Variants in OTOF observed in about 807,000 individuals in gnomAD.
OTOF encodes the protein fer-1-like family member 2.
Under a neutral mutation model 236.8 loss-of-function variants are expected in OTOF, and 218 were observed. That is an observed-to-expected ratio of 0.92 (90% CI 0.82 to 1.03). The LOEUF (loss-of-function observed/expected upper bound fraction) is 1.03, where lower values mean the gene tolerates loss of function less well. OTOF is among the 50% of genes least tolerant of loss of function. The pLI is 0.00. For missense variants in OTOF, 2,590 were observed against 2,694.4 expected (o/e 0.96, Z 0.86); for synonymous variants, 1,041 against 1,072.5 (o/e 0.97, Z 0.57).
chr2:26,555,929 C>T (rs1667575358), intron 1 of OTOF, among the ~76,000 whole-genome samples: 1 of 152,206 alleles, frequency 6.6e-6, no homozygotes, highest in Admixed American at 6.5e-5. Flanking sequence ...TTATCATGCC[C>T]ATTTTACAGA....
intron 1 of OTOF, among the ~76,000 whole-genome samples, chr2:26,553,675 G>A (rs1667516475): frequency 1.3e-5 from 2 of 152,090 alleles, no homozygotes; most frequent in Non-Finnish European, 2.9e-5. Context: ...AGACCCTTCG[G>A]TGGCTTCTTA....
At chr2:26,487,791 G>GCTA (rs1273559420) in intron 11 of OTOF, among the ~76,000 whole-genome samples, 2 of 152,212 alleles carry the variant, frequency 1.3e-5, no homozygotes, top group African/African-American at 4.8e-5. Context: ...GTAGTCCACG[G>GCTA]CTATGCATGC....
chr2:26,471,809 A>G (rs1165214593), intron 30 of OTOF, among the ~76,000 whole-genome samples: 1 of 152,148 alleles, frequency 6.6e-6, no homozygotes, highest in East Asian at 1.9e-4. Context: ...ATATATGCAC[A>G]TACACCACAT....
Position 26,460,946 on chromosome 2 carries a change from A to C in OTOF, c.5618T>G (p.Val1873Gly), listed in dbSNP as rs1572399706. The change falls in exon 44 of 47, where the codon GTG becomes GGG. Residue 1873 changes from valine (V) to glycine (G), a missense_variant. Coordinates refer to ENST00000272371, the MANE Select transcript of OTOF (RefSeq NM_194248.3). This position sits in a 1 kb window ranked among gnomAD's most constrained non-coding sequence, Gnocchi z 5.3. ...QCTMEMATGE[V>G]DVPLVSIFKQ... The stretch of plus-strand genomic sequence containing the variant: ...GAAGATGGACACGAGGGGCACGTCC[A>C]CCTCCCCGGTGGCCATCTCCATGGT... 1 of 1,613,606 alleles carries C rather than the reference A, an allele frequency of 6.2e-7. No individual in the cohort carries two copies. Among genetic ancestry groups the C allele is most frequent in the African/African-American group, 1.3e-5 (1 of 74,818 alleles).
chr2:26,527,035 C>T (rs1252396258), intron 3 of OTOF, among the ~76,000 whole-genome samples: 3 of 152,186 alleles, frequency 2.0e-5, no homozygotes, highest in South Asian at 2.1e-4. Flanking sequence ...CCAGCGTGTT[C>T]AAATCCTTCT....
At position 26,468,446 on chromosome 2, in the gene OTOF, A is replaced by G. The variant is rs143476507; in HGVS notation, c.4052T>C (p.Ile1351Thr). 6.8e-6 allele frequency: 11 copies of G among 1,614,008 alleles called. No homozygotes were observed. Among genetic ancestry groups the G allele is most frequent in the African/African-American group, 2.7e-5 (2 of 74,906 alleles). ...EQLRQQEPSG[I>T]DLEEKEEVDN... Reference sequence around the variant, plus strand: ...CACTTCCTCCTTCTCCTCCAAGTCAATTCCAGAGGGCTCTTGTTGTCGAAG... The same window carrying G: ...CACTTCCTCCTTCTCCTCCAAGTCAGTTCCAGAGGGCTCTTGTTGTCGAAG... The change falls in exon 33 of 47, where the codon ATT (isoleucine) becomes ACT (threonine). Residue 1351 changes from isoleucine (I) to threonine (T), a missense_variant. This residue lies in a region of OTOF where 1,211 missense variants were observed against 1,352.8 expected (regional missense o/e 0.90). Transcript: ENST00000272371.
rs1445408212 is a variant in OTOF at position 26,466,052 on chromosome 2, T to C, written c.4525A>G (p.Ile1509Val). 5 of 1,614,082 alleles carry C rather than the reference T, an allele frequency of 3.1e-6. No individual in the cohort carries two copies. The highest frequency in any genetic ancestry group is 4.2e-6 in the Non-Finnish European group (5 of 1,180,032). The change falls in exon 37 of 47, where the codon ATC (isoleucine) becomes GTC (valine). Residue 1509 changes from isoleucine (I) to valine (V), a missense_variant. Ile to Val is a conservative substitution (Grantham distance 29). This residue lies in a region of OTOF where 1,211 missense variants were observed against 1,352.8 expected (regional missense o/e 0.90). Transcript: ENST00000272371. Reference protein sequence around the residue: ...VRATDLHPADINGKADPYIAI... With the variant: ...VRATDLHPADVNGKADPYIAI... Reference sequence around the variant, plus strand: ...ATGTAGGGGTCAGCTTTGCCGTTGATGTCAGCAGGGTGCAGGTCCGTGGCC... The same window carrying C: ...ATGTAGGGGTCAGCTTTGCCGTTGACGTCAGCAGGGTGCAGGTCCGTGGCC...
rs1359325811 is a variant in OTOF, at chr2:26,477,299, G to A, written c.2407-11C>T. On this transcript the variant is annotated splice_polypyrimidine_tract_variant and intron_variant, in intron 20 of 46. Coordinates refer to ENST00000272371, the MANE Select transcript of OTOF (RefSeq NM_194248.3). The surrounding 1 kb of genome is among the most constrained non-coding windows in gnomAD (Gnocchi z 4.7). ...CTGCCCCATGTTTTCCTGCGAAGGA[G>A]GGGGTGTCAGTGAACCCAGCAACTG... 1 of 1,607,316 alleles carries A rather than the reference G, an allele frequency of 6.2e-7. No homozygotes were observed.
At chr2:26,546,187 G>A (rs1206065247) in intron 1 of OTOF, among the ~76,000 whole-genome samples, 4 of 152,204 alleles carry the variant, frequency 2.6e-5, no homozygotes, top group East Asian at 1.9e-4. Flanking sequence ...ATGGCCAGGC[G>A]AAGTGGCTCA....
At chr2:26,474,819 G>T in intron 25 of OTOF, 145 bp from the exon 26 acceptor site, 1 of 898,338 alleles carries the variant, frequency 1.1e-6, no homozygotes, top group Non-Finnish European at 1.8e-6. Flanking sequence ...AAGTCTCAGG[G>T]CCCACCAAAG....
At position 26,477,992 on chromosome 2, in the gene OTOF, C is replaced by T; in HGVS notation, c.2215-243G>A. The T allele has an allele frequency of 6.9e-7, 1 of 1,455,812 alleles. No individual in the cohort carries two copies. The allele number at this position is 1,455,812 out of a possible 1,614,324, so 90.2% of individuals were successfully genotyped here. On this transcript the variant is annotated intron_variant, in intron 18 of 46. Coordinates refer to ENST00000272371, the MANE Select transcript of OTOF (RefSeq NM_194248.3). The surrounding 1 kb of genome is among the most constrained non-coding windows in gnomAD (Gnocchi z 4.7). ...CCTGAAGGAAGAAGCCACCTCTGGG[C>T]TGTGAGTCTGTGGCTCTGGTGAGCT... is the stretch of plus-strand genomic sequence containing the variant.
chr2:26,460,043 C>T lies in OTOF; in HGVS notation c.5976G>A (p.Lys1992=), dbSNP rs1481036262. 6.4e-7 allele frequency: 1 copy of T among 1,571,294 alleles called. No homozygotes were observed. Among genetic ancestry groups the T allele is most frequent in the Non-Finnish European group, 8.6e-7 (1 of 1,158,294 alleles). The change falls in exon 46 of 47, where the codon AAG becomes AAA. Residue 1992 remains lysine, a synonymous_variant. Transcript: ENST00000272371. This position sits in a 1 kb window ranked among gnomAD's most constrained non-coding sequence, Gnocchi z 5.3. ...ACTGGGCTCAGGCCCCGAGGATTTTCTTGACCAGGTAGCCAGGCACAGAGT... is the reference window on the plus strand; with the variant it reads ...ACTGGGCTCAGGCCCCGAGGATTTTTTTGACCAGGTAGCCAGGCACAGAGT... ...FLYSVPGYLV[K]KILGA
At chr2:26,536,598 G>A (rs1345999506) in intron 2 of OTOF, among the ~76,000 whole-genome samples, 1 of 152,130 alleles carries the variant, frequency 6.6e-6, no homozygotes, top group African/African-American at 2.4e-5. Context: ...CTGGAGGAGG[G>A]GGAGACAGCT....
chr2:26,553,418 C>T (rs1215773607), intron 1 of OTOF, among the ~76,000 whole-genome samples: 1 of 152,178 alleles, frequency 6.6e-6, no homozygotes, highest in Non-Finnish European at 1.5e-5. Context: ...TTAGGCACTT[C>T]CTCCTCCTGC....
intron 1 of OTOF, among the ~76,000 whole-genome samples, chr2:26,556,616 G>A (rs1375156340): frequency 6.6e-6 from 1 of 152,164 alleles, no homozygotes; most frequent in Non-Finnish European, 1.5e-5. Context: ...GCTCCAAGGA[G>A]AAGATGGGTG....
intron 5 of OTOF, among the ~76,000 whole-genome samples, chr2:26,505,226 A>G (rs1666217903): frequency 6.6e-6 from 1 of 152,182 alleles, no homozygotes; most frequent in South Asian, 2.1e-4. Context: ...AATTTAGGGA[A>G]CATTAGCATG....
chr2:26,513,741 A>G (rs1666448632), intron 5 of OTOF, among the ~76,000 whole-genome samples: 1 of 152,180 alleles, frequency 6.6e-6, no homozygotes, highest in Non-Finnish European at 1.5e-5. Flanking sequence ...GATGCAGGGG[A>G]AGCCTGCCTG....
intron 38 of OTOF, 31 bp from the exon 39 acceptor site, chr2:26,465,060 G>T (rs1664664263): frequency 6.9e-7 from 1 of 1,451,228 alleles, no homozygotes; most frequent in Non-Finnish European, 9.1e-7. Context: ...GCTTGGAGGG[G>T]CTGGGTGGGA....
chr2:26,460,530 T>C lies in OTOF; in HGVS notation c.5813+117A>G. The C allele has an allele frequency of 1.2e-6, 1 of 841,044 alleles. No individual in the cohort carries two copies. The highest frequency in any genetic ancestry group is 2.6e-5 in the East Asian group (1 of 37,850). The allele number at this position is 841,044 out of a possible 1,614,324, so 52.1% of individuals were successfully genotyped here. A position where few individuals can be genotyped will look rare whatever the true frequency, so the allele number is the denominator to read the frequency against. ...GGTTGGCAGAGGGCAGGGAGGAGGCTCCCCTGTAATGAGGCTGTGGCCCAG... is the reference window on the plus strand; with the variant it reads ...GGTTGGCAGAGGGCAGGGAGGAGGCCCCCCTGTAATGAGGCTGTGGCCCAG... On this transcript the variant is annotated intron_variant, in intron 45 of 46. Coordinates refer to ENST00000272371, the MANE Select transcript of OTOF (RefSeq NM_194248.3). This position sits in a 1 kb window ranked among gnomAD's most constrained non-coding sequence, Gnocchi z 5.3.
Sources: allele counts gnomAD v4.1 joint callset (sites outside exome capture counted in the v4.1 genomes callset), GRCh38; gene constraint gnomAD v4.1.1; regional missense constraint gnomAD v4.1.1; non-coding constraint Gnocchi (gnomAD v3.1); transcripts MANE v1.5; gene names NCBI Gene and HGNC (gene_info 2026-07-23, HGNC 2026-07-21).